The following PLXDC2 variants were observed in gnomAD, a reference collection of about 807,000 sequenced individuals.
The protein encoded by PLXDC2 is plexin domain-containing protein 2.
A neutral mutation model predicts 68.9 loss-of-function variants in PLXDC2; 40 were observed. The ratio of observed to expected loss-of-function variants is 0.58; its 90% CI spans 0.45 to 0.76. The LOEUF (loss-of-function observed/expected upper bound fraction) is 0.76, where lower values mean the gene tolerates loss of function less well. PLXDC2 is among the 30% of genes least tolerant of loss of function. The probability of loss-of-function intolerance (pLI) is 0.00; values close to 1 mark genes in which losing one functional copy is unlikely to be tolerated. For synonymous variants in PLXDC2, 243 were observed against 234.2 expected, an observed-to-expected ratio of 1.04 and a Z score of -0.34; for missense variants, 644 against 661.9, an observed-to-expected ratio of 0.97 and a Z score of 0.30.
chr10:19,895,265 T>A (rs1689029167), intron 1 of PLXDC2, among the ~76,000 whole-genome samples: 1 of 152,070 alleles, frequency 6.6e-6, no homozygotes, highest in South Asian at 2.1e-4. Context: ...CCCAGCATGG[T>A]AGAGCTGGGC....
chr10:20,030,051 T>C (rs184774193), intron 2 of PLXDC2, among the ~76,000 whole-genome samples: 35 of 152,182 alleles, frequency 2.3e-4, no homozygotes, highest in Non-Finnish European at 2.5e-4. Context: ...GAAGGCACTC[T>C]TAGAGATTAT....
In PLXDC2 at chr10:20,126,894, AATATATGT is replaced by A. The variant is rs929461235; in HGVS notation, c.542-16386_542-16379del. On this transcript the variant is annotated intron_variant, in intron 4 of 13. Coordinates refer to ENST00000377252, the MANE Select transcript of PLXDC2 (RefSeq NM_032812.9). Reference sequence around the variant, plus strand: ...ATATAATATATGATATATACTATATAATATATGTATATATGTATATATTATGTATGTAT... The same window carrying A: ...ATATAATATATGATATATACTATATAATATATGTATATATTATGTATGTAT... Among the ~76,000 whole-genome samples, 29 of 146,954 alleles carry A rather than the reference AATATATGT, an allele frequency of 2.0e-4. No homozygotes were observed. The South Asian group carries it at 3.8e-3, about 19-fold the overall frequency.
chr10:20,202,366 A>C (rs148098028), intron 9 of PLXDC2, among the ~76,000 whole-genome samples: 55 of 152,318 alleles, frequency 3.6e-4, no homozygotes, highest in Middle Eastern at 3.4e-3. Context: ...CTCATACTTT[A>C]TGTTGCCAAT....
intron 9 of PLXDC2, among the ~76,000 whole-genome samples, chr10:20,199,277 T>G (rs1834886191): frequency 6.6e-6 from 1 of 151,932 alleles, no homozygotes; most frequent in Admixed American, 6.6e-5. Flanking sequence ...ACTTACTACA[T>G]GCAATAATAA....
At chr10:19,996,243 C>A (rs1227121430) in intron 1 of PLXDC2, among the ~76,000 whole-genome samples, 1 of 152,030 alleles carries the variant, frequency 6.6e-6, no homozygotes, top group Non-Finnish European at 1.5e-5. Flanking sequence ...GAGTTTAAGA[C>A]CAGCCTGGGC....
At chr10:19,979,484 T>C (rs761452402) in intron 1 of PLXDC2, among the ~76,000 whole-genome samples, 1 of 151,758 alleles carries the variant, frequency 6.6e-6, no homozygotes, top group Non-Finnish European at 1.5e-5. Context: ...GTTCAAGTGG[T>C]TCTCCTGCCT....
rs1212447701 is a variant in PLXDC2, at chr10:20,208,662, G to C, written c.1062-3007G>C. On this transcript the variant is annotated intron_variant, in intron 9 of 13. Transcript: ENST00000377252. ...ATAGTGGATATTATGATCAATATAA[G>C]ACCCTAGCTTTCAAACGTTCTCAAC... Among the ~76,000 whole-genome samples the C allele has an allele frequency of 2.6e-5, 4 of 152,222 alleles. No individual in the cohort carries two copies. The East Asian group carries it at 7.7e-4, about 29-fold the overall frequency.
chr10:20,057,641 G>A (rs948480672), intron 3 of PLXDC2, among the ~76,000 whole-genome samples: 1 of 152,020 alleles, frequency 6.6e-6, no homozygotes, highest in South Asian at 2.1e-4. Context: ...GACTGGAAGT[G>A]AAACCCTATT....
intron 12 of PLXDC2, among the ~76,000 whole-genome samples, chr10:20,221,099 T>C (rs918763368): frequency 6.6e-6 from 1 of 152,060 alleles, no homozygotes; most frequent in African/African-American, 2.4e-5. Flanking sequence ...CGTCTCGACC[T>C]CCCAAAGTGC....
At chr10:20,111,976 G>A (rs1833565649) in intron 4 of PLXDC2, among the ~76,000 whole-genome samples, 1 of 152,176 alleles carries the variant, frequency 6.6e-6, no homozygotes, top group Admixed American at 6.5e-5. Flanking sequence ...TTGAGGGGGA[G>A]ACTCATGGTG....
chr10:19,821,923 A>G (rs183069685), intron 1 of PLXDC2, among the ~76,000 whole-genome samples: 1 of 152,152 alleles, frequency 6.6e-6, no homozygotes, highest in African/African-American at 2.4e-5. Flanking sequence ...CCTTTAAAAA[A>G]AATTCTTTGT....
chr10:20,183,028 G>C (rs1259747992), intron 9 of PLXDC2, among the ~76,000 whole-genome samples: 1 of 152,008 alleles, frequency 6.6e-6, no homozygotes, highest in Non-Finnish European at 1.5e-5. Context: ...ATATTTCTTA[G>C]ATTTCTGTTT....
intron 1 of PLXDC2, among the ~76,000 whole-genome samples, chr10:19,859,725 T>C (rs1022306438): frequency 2.0e-5 from 3 of 152,106 alleles, no homozygotes; most frequent in Non-Finnish European, 4.4e-5. Context: ...ACTTTTATTT[T>C]TACTTATTAT....
chr10:20,173,688 A>G (rs1026567271), intron 7 of PLXDC2, among the ~76,000 whole-genome samples: 2 of 152,208 alleles, frequency 1.3e-5, no homozygotes, highest in Non-Finnish European at 2.9e-5. Flanking sequence ...TTGAATCACC[A>G]TCGCTAAGAC....
chr10:19,864,023 A>C (rs574853734), intron 1 of PLXDC2, among the ~76,000 whole-genome samples: 2 of 152,240 alleles, frequency 1.3e-5, no homozygotes, highest in East Asian at 3.9e-4. Context: ...AGATTAAAAA[A>C]AGTTTTTTTG....
intron 12 of PLXDC2, among the ~76,000 whole-genome samples, chr10:20,243,009 G>T (rs1207564034): frequency 6.6e-6 from 1 of 152,188 alleles, no homozygotes; most frequent in Non-Finnish European, 1.5e-5. Flanking sequence ...ACCACGCCTG[G>T]CTCCAATGTT....
intron 1 of PLXDC2, among the ~76,000 whole-genome samples, chr10:19,842,676 T>C (rs1226427425): frequency 1.3e-5 from 2 of 152,192 alleles, no homozygotes; most frequent in East Asian, 1.9e-4. Flanking sequence ...AGCTTTTATC[T>C]TGCTCGGAGA....
In PLXDC2 at chr10:19,929,416, G is replaced by A. The variant is rs185591084; in HGVS notation, c.113-72359G>A. ...TCTGCACGTGGAGTAATTAGGTTCT[G>A]TTTCAGCAACGTGAAAGGTTAAATA... On this transcript the variant is annotated intron_variant, in intron 1 of 13. Transcript: ENST00000377252. Among the ~76,000 whole-genome samples, 394 of 152,142 alleles carry A rather than the reference G, an allele frequency of 2.6e-3. 3 individuals are homozygous for A. The highest frequency in any genetic ancestry group is 2.4e-3 in the Non-Finnish European group (163 of 67,994).
In PLXDC2 at chr10:20,245,568, A is replaced by C. The variant is rs1283597916; in HGVS notation, c.1473+63A>C. 14 of 1,498,394 alleles carry C rather than the reference A, an allele frequency of 9.3e-6. No individual in the cohort carries two copies. In the East Asian group the frequency reaches 2.7e-4, roughly 29 times the overall value. The allele number at this position is 1,498,394 out of a possible 1,614,324, so 92.8% of individuals were successfully genotyped here. On this transcript the variant is annotated intron_variant, in intron 13 of 13. Transcript: ENST00000377252. ...TGATGAACTGTATCCGTTTGCTAAC[A>C]CCACCTGGATTTAATATTTACCACA...
Sources: gnomAD v4.1 joint callset for allele counts (sites outside exome capture counted in the v4.1 genomes callset) on GRCh38, gnomAD v4.1.1 for gene constraint, MANE v1.5 for transcripts, NCBI Gene and HGNC (gene_info 2026-07-23, HGNC 2026-07-21) for gene names.